OXR1: variants seen among roughly 807,000 people sequenced by gnomAD.
The protein encoded by OXR1 is oxidation resistance 1.
Under a neutral mutation model 104.6 loss-of-function variants are expected in OXR1, and 41 were observed. The ratio of observed to expected loss-of-function variants is 0.39; its 90% CI spans 0.31 to 0.51. OXR1 has a LOEUF of 0.51. Ranked by LOEUF, OXR1 falls within the 20% of genes least tolerant of loss-of-function variation. The probability of loss-of-function intolerance (pLI) is 0.77; values close to 1 mark genes in which losing one functional copy is unlikely to be tolerated. For synonymous variants in OXR1, 348 were observed against 348.4 expected, an observed-to-expected ratio of 1.00 and a Z score of 0.01; for missense variants, 955 against 1,031.9, an observed-to-expected ratio of 0.93 and a Z score of 1.02.
intron 6 of OXR1, among the ~76,000 whole-genome samples, chr8:106,690,849 G>A (rs548998136): frequency 6.6e-6 from 1 of 151,968 alleles, no homozygotes; most frequent in South Asian, 2.1e-4. Flanking sequence ...GTTGCATGAA[G>A]TAAATACAAA....
chr8:106,275,892 T>G (rs1812017973), intron 1 of OXR1, among the ~76,000 whole-genome samples: 1 of 152,220 alleles, frequency 6.6e-6, no homozygotes, highest in Non-Finnish European at 1.5e-5. Context: ...TTGTTAAAGA[T>G]AAGTAATAGC....
chr8:106,506,336 AGGCGCGGT>A (rs1812155226), intron 2 of OXR1, among the ~76,000 whole-genome samples: 1 of 152,230 alleles, frequency 6.6e-6, no homozygotes, highest in South Asian at 2.1e-4. Flanking sequence ...AGTTTTGGCC[AGGCGCGGT>A]GGCTCACGCC....
intron 3 of OXR1, among the ~76,000 whole-genome samples, chr8:106,588,211 G>A (rs971963490): frequency 6.6e-6 from 1 of 151,850 alleles, no homozygotes; most frequent in African/African-American, 2.4e-5. Flanking sequence ...CGCCCACCTC[G>A]GCCTCCCAAA....
chr8:106,483,093 A>G (rs1051196034), intron 2 of OXR1, among the ~76,000 whole-genome samples: 1 of 152,044 alleles, frequency 6.6e-6, no homozygotes, highest in Non-Finnish European at 1.5e-5. Context: ...AAGAAATACA[A>G]TATACCAATA....
At chr8:106,305,833 C>T (rs573228155) in intron 1 of OXR1, among the ~76,000 whole-genome samples, 3 of 152,136 alleles carry the variant, frequency 2.0e-5, no homozygotes, top group South Asian at 2.1e-4. Context: ...TAACATCTAA[C>T]GAGGATAGAG....
chr8:106,484,116 C>T (rs958201863), intron 2 of OXR1, among the ~76,000 whole-genome samples: 2 of 151,986 alleles, frequency 1.3e-5, no homozygotes, highest in African/African-American at 4.8e-5. Context: ...CTGTGAAAGA[C>T]ATTGTCAAGA....
At chr8:106,307,880 G>A (rs1813528162) in intron 1 of OXR1, among the ~76,000 whole-genome samples, 1 of 152,028 alleles carries the variant, frequency 6.6e-6, no homozygotes, top group Non-Finnish European at 1.5e-5. Context: ...AGTAAAAGCA[G>A]TGATTATCAT....
rs556983266 is a variant in OXR1, at chr8:106,601,132, C to T, written c.221-78078C>T. The stretch of plus-strand genomic sequence containing the variant: ...TTAAGCAGAATAACTGATCTTAGGG[C>T]ACTGTTTGCAAAGTGAGAACACTAA... On this transcript the variant is annotated intron_variant, in intron 3 of 16. Coordinates refer to ENST00000517566, the MANE Select transcript of OXR1 (RefSeq NM_001198533.2). 4.6e-5 allele frequency among the ~76,000 whole-genome samples: 7 copies of T among 152,164 alleles called. No individual in the cohort carries two copies. In the South Asian group the frequency reaches 1.2e-3, roughly 27 times the overall value.
At chr8:106,319,110 A>G (rs930243349) in intron 1 of OXR1, among the ~76,000 whole-genome samples, 9 of 152,234 alleles carry the variant, frequency 5.9e-5, no homozygotes, top group African/African-American at 2.2e-4. Context: ...TTAATTTAAT[A>G]ACTAGCTAAA....
At chr8:106,530,433 A>T (rs1302932369) in intron 3 of OXR1, among the ~76,000 whole-genome samples, 1 of 152,178 alleles carries the variant, frequency 6.6e-6, no homozygotes, top group Non-Finnish European at 1.5e-5. Flanking sequence ...CTGGGATTAC[A>T]GGTGTGCATA....
chr8:106,533,019 C>T (rs1379079616), intron 3 of OXR1, among the ~76,000 whole-genome samples: 2 of 152,124 alleles, frequency 1.3e-5, no homozygotes, highest in African/African-American at 4.8e-5. Context: ...TACCTGACAT[C>T]GTTTTTCTTT....
At chr8:106,344,581 T>C (rs912144443) in intron 1 of OXR1, among the ~76,000 whole-genome samples, 1 of 152,026 alleles carries the variant, frequency 6.6e-6, no homozygotes, top group Non-Finnish European at 1.5e-5. Flanking sequence ...TCATGATCCA[T>C]CCGCCTCGGC....
intron 1 of OXR1, among the ~76,000 whole-genome samples, chr8:106,332,384 T>C (rs1814755598): frequency 1.3e-5 from 2 of 152,204 alleles, no homozygotes; most frequent in South Asian, 4.1e-4. Flanking sequence ...TATTACAAAT[T>C]ATTAATGCTT....
intron 2 of OXR1, among the ~76,000 whole-genome samples, chr8:106,403,168 G>A (rs1818073696): frequency 6.6e-6 from 1 of 152,222 alleles, no homozygotes; most frequent in Non-Finnish European, 1.5e-5. Context: ...TTAGGCTTTT[G>A]TTCACTTGAC....
chr8:106,399,033 G>C (rs1168430601), intron 2 of OXR1, among the ~76,000 whole-genome samples: 3 of 151,892 alleles, frequency 2.0e-5, no homozygotes, highest in Non-Finnish European at 4.4e-5. Flanking sequence ...TTTCACTACT[G>C]TCTTTATTTA....
intron 2 of OXR1, among the ~76,000 whole-genome samples, chr8:106,434,212 G>T (rs1462865157): frequency 6.6e-6 from 1 of 152,104 alleles, no homozygotes; most frequent in Non-Finnish European, 1.5e-5. Context: ...ATGCATGTTT[G>T]TGTGAGCATG....
At chr8:106,286,378 T>G (rs1186189683) in intron 1 of OXR1, among the ~76,000 whole-genome samples, 7 of 151,446 alleles carry the variant, frequency 4.6e-5, no homozygotes, top group East Asian at 3.9e-4. Flanking sequence ...TTAGGGTTTT[T>G]TTTTTTTTTT....
intron 12 of OXR1, among the ~76,000 whole-genome samples, chr8:106,739,039 TTG>T (rs1441199253): frequency 6.6e-6 from 1 of 151,134 alleles, no homozygotes; most frequent in African/African-American, 2.4e-5. Flanking sequence ...TTGACAAATT[TTG>T]TGTTAGCATG....
In OXR1 at chr8:106,573,344, TACACACACAC is replaced by T. The variant is rs3046716; in HGVS notation, c.220+54232_220+54241del. Reference sequence around the variant, plus strand: ...TTGACACCTACAATTAACCATCACATACACACACACACACACACACACACACACACACACA... The same window carrying T: ...TTGACACCTACAATTAACCATCACATACACACACACACACACACACACACA... On this transcript the variant is annotated intron_variant, in intron 3 of 16. Transcript: ENST00000517566. Among the ~76,000 whole-genome samples, 83 of 146,722 alleles carry T rather than the reference TACACACACAC, an allele frequency of 5.7e-4. 1 individual carries two copies. Among genetic ancestry groups the T allele is most frequent in the Non-Finnish European group, 9.0e-4 (60 of 66,534 alleles).
Sources: gnomAD v4.1 joint callset for allele counts (sites outside exome capture counted in the v4.1 genomes callset) on GRCh38, gnomAD v4.1.1 for gene constraint, MANE v1.5 for transcripts, NCBI Gene and HGNC (gene_info 2026-07-23, HGNC 2026-07-21) for gene names.